Variants in TRIO observed in about 807,000 individuals in gnomAD.
The protein encoded by TRIO is trio Rho guanine nucleotide exchange factor.
A neutral mutation model predicts 351.9 loss-of-function variants in TRIO; 58 were observed. That is an observed-to-expected ratio of 0.16 (90% CI 0.13 to 0.21). The LOEUF (loss-of-function observed/expected upper bound fraction) is 0.21. Ranked by LOEUF, TRIO falls within the 10% of genes least tolerant of loss-of-function variation. TRIO has a pLI of 1.00. For missense variants in TRIO, 3,201 were observed against 4,027.8 expected, an observed-to-expected ratio of 0.79 and a Z score of 5.56; for synonymous variants, 1,758 against 1,595.7, an observed-to-expected ratio of 1.10 and a Z score of -2.42.
intron 26 of TRIO, 98 bp from the exon 27 acceptor site, chr5:14,390,803 A>G (rs1747015927): frequency 2.0e-6 from 2 of 984,692 alleles, no homozygotes; most frequent in African/African-American, 1.7e-5. Flanking sequence ...CTCGAGGCTT[A>G]AATTTCCGTT....
intron 8 of TRIO, among the ~76,000 whole-genome samples, chr5:14,313,770 C>T (rs563398305): frequency 3.3e-5 from 5 of 152,270 alleles, no homozygotes; most frequent in East Asian, 3.9e-4. Context: ...AAGTTCTTGG[C>T]GGCAAGGAGG....
rs1417536192 is a variant in TRIO, at chr5:14,359,452, T to C, written c.2312T>C (p.Met771Thr). The change falls in exon 13 of 57, where the codon ATG (methionine) becomes ACG (threonine). Residue 771 changes from methionine to threonine, a missense_variant. Coordinates refer to ENST00000344204, the MANE Select transcript of TRIO (RefSeq NM_007118.4). ...CAGCTGGACGAGGCGCAGTCGCAGATGGAGGAGCTCTTCCAGGAGCGCAAG... is the reference window on the plus strand; with the variant it reads ...CAGCTGGACGAGGCGCAGTCGCAGACGGAGGAGCTCTTCCAGGAGCGCAAG... ...LQQLDEAQSQMEELFQERKIK... is the reference protein window; with the variant it reads ...LQQLDEAQSQTEELFQERKIK... 1 of 1,614,152 alleles carries C rather than the reference T, an allele frequency of 6.2e-7. No homozygotes were observed. Among genetic ancestry groups the C allele is most frequent in the African/African-American group, 1.3e-5 (1 of 74,954 alleles).
At chr5:14,433,679 G>C (rs1187058440) in intron 34 of TRIO, among the ~76,000 whole-genome samples, 1 of 152,096 alleles carries the variant, frequency 6.6e-6, no homozygotes, top group Non-Finnish European at 1.5e-5. Flanking sequence ...CTGACTTCAA[G>C]GTAGAATACT....
At chr5:14,480,703 G>C (rs531761375) in intron 43 of TRIO, among the ~76,000 whole-genome samples, 2 of 152,296 alleles carry the variant, frequency 1.3e-5, no homozygotes, top group African/African-American at 4.8e-5. Flanking sequence ...AGGAACAATT[G>C]GATAGATCTG....
In TRIO at chr5:14,174,122, A is replaced by G. The variant is rs557823033; in HGVS notation, c.157+30240A>G. Reference sequence around the variant, plus strand: ...TGATAGAGCTGCTGATTTATGGAGAAATGAGCGCTAGTTGCCTTCCACCCG... The same window carrying G: ...TGATAGAGCTGCTGATTTATGGAGAGATGAGCGCTAGTTGCCTTCCACCCG... On this transcript the variant is annotated intron_variant, in intron 1 of 56. Coordinates refer to ENST00000344204, the MANE Select transcript of TRIO (RefSeq NM_007118.4). Among the ~76,000 whole-genome samples, 3 of 152,288 alleles carry G rather than the reference A, an allele frequency of 2.0e-5. No homozygotes were observed. The South Asian group carries it at 6.2e-4, about 32-fold the overall frequency.
chr5:14,465,678 G>A lies in TRIO; in HGVS notation c.5763+38G>A, dbSNP rs111451616. Reference sequence around the variant, plus strand: ...AGAGAAAGTCTGACTTTTGGAAGCTGCTCTGTGTTGCTACTTGCAGATGGA... The same window carrying A: ...AGAGAAAGTCTGACTTTTGGAAGCTACTCTGTGTTGCTACTTGCAGATGGA... On this transcript the variant is annotated intron_variant, in intron 37 of 56. Transcript: ENST00000344204. 4.7e-3 allele frequency: 7,491 copies of A among 1,601,972 alleles called. 34 individuals carry two copies. Among genetic ancestry groups the A allele is most frequent in the Non-Finnish European group, 6.0e-3 (6,984 of 1,169,620 alleles).
chr5:14,380,235 G>A (rs1442158884), intron 20 of TRIO, among the ~76,000 whole-genome samples: 4 of 151,904 alleles, frequency 2.6e-5, no homozygotes, highest in South Asian at 2.1e-4. Context: ...AAACAACTAG[G>A]TGTGGTGTTC....
intron 9 of TRIO, among the ~76,000 whole-genome samples, chr5:14,317,766 A>T (rs2152306789): frequency 6.6e-6 from 1 of 152,172 alleles, no homozygotes; most frequent in African/African-American, 2.4e-5. Context: ...CTGAGATGGC[A>T]GATCGCTTGA....
Position 14,366,888 on chromosome 5 carries a change from C to G in TRIO, c.2783C>G (p.Ser928Cys). 6.2e-7 allele frequency: 1 copy of G among 1,614,160 alleles called. No homozygotes were observed. The highest frequency in any genetic ancestry group is 8.5e-7 in the Non-Finnish European group (1 of 1,180,036). The stretch of plus-strand genomic sequence containing the variant: ...CTGGGTTGGATCCGCAACGGAGAGT[C>G]CATGTTAAATGCCGGACTTATCACA... ...QVLGWIRNGE[S>C]MLNAGLITAS... Residue 928 changes from serine to cysteine, a missense_variant, in exon 16 of 57, where the codon TCC becomes TGC. Physicochemically the swap from Ser to Cys is moderately radical, Grantham distance 112. This residue lies in a region of TRIO where 363 missense variants were observed against 553.5 expected (regional missense o/e 0.66). Coordinates refer to ENST00000344204, the MANE Select transcript of TRIO (RefSeq NM_007118.4).
rs187391385 is a variant in TRIO at position 14,355,245 on chromosome 5, C to T, written c.2047-2933C>T. ...ATTTTGACTCTTTCATGAAACATTA[C>T]AGCCTTGTTCTGGTAAATGGTTAGT... On this transcript the variant is annotated intron_variant, in intron 11 of 56. Coordinates refer to ENST00000344204, the MANE Select transcript of TRIO (RefSeq NM_007118.4). 4.6e-5 allele frequency among the ~76,000 whole-genome samples: 7 copies of T among 152,354 alleles called. No homozygotes were observed. In the East Asian group the frequency reaches 1.2e-3, roughly 25 times the overall value.
intron 11 of TRIO, among the ~76,000 whole-genome samples, chr5:14,348,991 G>A (rs141775128): frequency 1.8e-3 from 260 of 148,458 alleles, no homozygotes; most frequent in African/African-American, 5.8e-3. Context: ...ATATGTGTGC[G>A]CACGCACATG....
chr5:14,218,566 AAG>A (rs1329368925), intron 1 of TRIO, among the ~76,000 whole-genome samples: 2 of 152,350 alleles, frequency 1.3e-5, no homozygotes, highest in African/African-American at 4.8e-5. Context: ...TGTAACTGAA[AAG>A]AAAGTCTCAG....
At chr5:14,355,241 A>C (rs1012193673) in intron 11 of TRIO, among the ~76,000 whole-genome samples, 11 of 152,252 alleles carry the variant, frequency 7.2e-5, no homozygotes, top group African/African-American at 2.4e-4. Context: ...TTCATGAAAC[A>C]TTACAGCCTT....
In TRIO at chr5:14,241,491, T is replaced by C. The variant is rs539781971; in HGVS notation, c.158-29334T>C. Among the ~76,000 whole-genome samples, 5 of 152,278 alleles carry C rather than the reference T, an allele frequency of 3.3e-5. No individual in the cohort carries two copies. In the East Asian group the frequency reaches 9.6e-4, roughly 29 times the overall value. On this transcript the variant is annotated intron_variant, in intron 1 of 56. Transcript: ENST00000344204. ...GTGGTCTGAGAAGGGAGTAATAGAGTAAGCTGTTGGTTTCTGCTTAAGACT... is the reference window on the plus strand; with the variant it reads ...GTGGTCTGAGAAGGGAGTAATAGAGCAAGCTGTTGGTTTCTGCTTAAGACT...
intron 4 of TRIO, among the ~76,000 whole-genome samples, chr5:14,289,855 AAAT>A (rs910979586): frequency 6.6e-6 from 1 of 152,062 alleles, no homozygotes; most frequent in Non-Finnish European, 1.5e-5. Context: ...TCTCAAAAAA[AAAT>A]AATAATAATA....
chr5:14,306,231 T>C (rs1271445724), intron 8 of TRIO, among the ~76,000 whole-genome samples: 1 of 152,254 alleles, frequency 6.6e-6, no homozygotes, highest in African/African-American at 2.4e-5. Context: ...CAAGTAACAT[T>C]TCGTGTTGGC....
intron 2 of TRIO, among the ~76,000 whole-genome samples, chr5:14,277,058 G>A (rs1339688368): frequency 2.6e-5 from 4 of 152,178 alleles, no homozygotes; most frequent in African/African-American, 9.7e-5. Context: ...AGTTAATGTT[G>A]TGTGGAATAT....
chr5:14,210,932 T>C (rs1399328326), intron 1 of TRIO, among the ~76,000 whole-genome samples: 1 of 151,894 alleles, frequency 6.6e-6, no homozygotes, highest in East Asian at 1.9e-4. Context: ...GTCCTCTTTC[T>C]CCCTTCCCTT....
intron 54 of TRIO, among the ~76,000 whole-genome samples, chr5:14,503,826 T>TCAGGCCCCCAGCC (rs1757461149): frequency 6.6e-6 from 1 of 152,132 alleles, no homozygotes; most frequent in South Asian, 2.1e-4. Flanking sequence ...CTCACCCACC[T>TCAGGCCCCCAGCC]CAGGCCCCCA....
Sources: allele counts gnomAD v4.1 joint callset (sites outside exome capture counted in the v4.1 genomes callset), GRCh38; gene constraint gnomAD v4.1.1; regional missense constraint gnomAD v4.1.1; transcripts MANE v1.5; gene names NCBI Gene and HGNC (gene_info 2026-07-23, HGNC 2026-07-21).